The following FGD4 variants were observed in gnomAD, a reference collection of about 807,000 sequenced individuals.
FGD4 encodes the protein FYVE, RhoGEF and PH domain containing 4.
FGD4 carries 42 observed loss-of-function variants against 102.0 expected under a neutral mutation model. The observed-to-expected ratio is 0.41, with a 90% confidence interval of 0.32 to 0.53. The LOEUF is 0.53. FGD4 is among the 20% of genes least tolerant of loss of function. The pLI is 0.21. For synonymous variants in FGD4, 380 were observed against 375.7 expected, an observed-to-expected ratio of 1.01 and a Z score of -0.13; for missense variants, 902 against 1,078.2, an observed-to-expected ratio of 0.84 and a Z score of 2.29.
intron 1 of FGD4, among the ~76,000 whole-genome samples, chr12:32,535,639 TA>T (rs11335178): frequency 0.8 from 118,269 of 148,684 alleles, 47,255 homozygotes; most frequent in Middle Eastern, 0.9. Context: ...AATATGAAAT[TA>T]AAAAAAAAAA....
intron 10 of FGD4, among the ~76,000 whole-genome samples, chr12:32,612,377 T>C (rs977121210): frequency 1.1e-4 from 17 of 152,128 alleles, no homozygotes; most frequent in African/African-American, 4.1e-4. Flanking sequence ...TCTGGGCTGG[T>C]AGCACAAACC....
chr12:32,461,998 T>C (rs1943117438), intron 1 of FGD4, among the ~76,000 whole-genome samples: 1 of 152,194 alleles, frequency 6.6e-6, no homozygotes. Flanking sequence ...GTGCCAGGAT[T>C]ACAGGCATGA....
At chr12:32,639,073 A>G (rs1428151468) in intron 16 of FGD4, 1 of 674,918 alleles carries the variant, frequency 1.5e-6, no homozygotes, top group Non-Finnish European at 2.2e-6. Flanking sequence ...CATGAGGAGA[A>G]GGGGAAGCAA....
chr12:32,562,360 T>C (rs1029484432), intron 1 of FGD4, among the ~76,000 whole-genome samples: 1 of 152,244 alleles, frequency 6.6e-6, no homozygotes, highest in Non-Finnish European at 1.5e-5. Context: ...TTTCTATGCT[T>C]AGTCTTGTAA....
chr12:32,453,233 ATATATT>A lies in FGD4; in HGVS notation c.166+53276_166+53281del, dbSNP rs1565749221. Reference sequence around the variant, plus strand: ...ATATATATATATAATATAGATATATATATATTTTTTTTTTTTTAAATGTAGAGCCTC... The same window carrying A: ...ATATATATATATAATATAGATATATATTTTTTTTTTTAAATGTAGAGCCTC... On this transcript the variant is annotated intron_variant, in intron 1 of 16. Transcript: ENST00000534526. Among the ~76,000 whole-genome samples, 151 of 62,030 alleles carry A rather than the reference ATATATT, an allele frequency of 2.4e-3. 2 individuals are homozygous for A. Among genetic ancestry groups the A allele is most frequent in the East Asian group, 0.017 (36 of 2,082 alleles). 40.7% of individuals were successfully genotyped at this position (62,030 alleles called of 152,430 possible).
At chr12:32,418,400 G>C (rs1445474914) in intron 1 of FGD4, among the ~76,000 whole-genome samples, 5 of 152,012 alleles carry the variant, frequency 3.3e-5, no homozygotes, top group Non-Finnish European at 7.4e-5. Flanking sequence ...TCTTGGAAAG[G>C]CTTTTCAGGT....
chr12:32,538,802 C>T (rs1942536112), intron 1 of FGD4, among the ~76,000 whole-genome samples: 1 of 152,140 alleles, frequency 6.6e-6, no homozygotes, highest in African/African-American at 2.4e-5. Context: ...ACCTGTAATC[C>T]CAGCACTTTG....
In FGD4 at chr12:32,582,533, T is replaced by C. The variant is rs1233520508; in HGVS notation, c.1011+66T>C. ...CTATTCGATTGTTGTCTTAAAACTC[T>C]TTATTTATTGCACCCCTGAAATGTA... On this transcript the variant is annotated intron_variant, in intron 4 of 16. Transcript: ENST00000534526. 7 of 1,587,132 alleles carry C rather than the reference T, an allele frequency of 4.4e-6. No individual in the cohort carries two copies. In the Admixed American group the frequency reaches 1.2e-4, roughly 27 times the overall value.
chr12:32,550,920 T>C (rs1188571000), intron 1 of FGD4, among the ~76,000 whole-genome samples: 3 of 152,174 alleles, frequency 2.0e-5, no homozygotes, highest in Non-Finnish European at 4.4e-5. Context: ...CTGCAGTAAA[T>C]TCAGCTGCGT....
chr12:32,429,798 T>A (rs1183981159), intron 1 of FGD4, among the ~76,000 whole-genome samples: 1 of 152,150 alleles, frequency 6.6e-6, no homozygotes, highest in Non-Finnish European at 1.5e-5. Flanking sequence ...TAATTATAAT[T>A]AGCTATAATT....
At chr12:32,514,104 GGT>G (rs1939653313) in intron 1 of FGD4, among the ~76,000 whole-genome samples, 1 of 152,144 alleles carries the variant, frequency 6.6e-6, no homozygotes, top group Non-Finnish European at 1.5e-5. Flanking sequence ...CCTATCAACA[GGT>G]GACTGTACCC....
chr12:32,613,914 A>T (rs547652869), intron 10 of FGD4, among the ~76,000 whole-genome samples: 1 of 152,362 alleles, frequency 6.6e-6, no homozygotes, highest in East Asian at 1.9e-4. Context: ...TTGACACTTC[A>T]TGAAAAGTTA....
chr12:32,599,490 GTC>G (rs1325605603), intron 5 of FGD4, among the ~76,000 whole-genome samples: 7 of 39,238 alleles, frequency 1.8e-4, no homozygotes, highest in Admixed American at 3.0e-4. Flanking sequence ...GCGAGACTCC[GTC>G]TCAAAAAAAA....
chr12:32,551,134 A>C (rs1345964222), intron 1 of FGD4, among the ~76,000 whole-genome samples: 1 of 152,212 alleles, frequency 6.6e-6, no homozygotes. Context: ...AGTGAAGCTA[A>C]CAGGCGGTGC....
intron 1 of FGD4, among the ~76,000 whole-genome samples, chr12:32,537,109 C>T (rs532170619): frequency 2.0e-5 from 3 of 152,012 alleles, no homozygotes; most frequent in South Asian, 2.1e-4. Context: ...AGGGTTTCAC[C>T]GTGTTAGCCA....
At chr12:32,550,692 GAA>G (rs1282401912) in intron 1 of FGD4, among the ~76,000 whole-genome samples, 2 of 113,424 alleles carry the variant, frequency 1.8e-5, no homozygotes, top group African/African-American at 6.8e-5. Flanking sequence ...AAAAAAAAAA[GAA>G]AGAGACAAAA....
chr12:32,441,349 A>C (rs1942429074), intron 1 of FGD4, among the ~76,000 whole-genome samples: 1 of 151,852 alleles, frequency 6.6e-6, no homozygotes, highest in Non-Finnish European at 1.5e-5. Flanking sequence ...AAGTCTCTTC[A>C]CTTTGCTGGT....
intron 10 of FGD4, among the ~76,000 whole-genome samples, chr12:32,612,202 G>A (rs769208133): frequency 1.3e-5 from 2 of 152,226 alleles, no homozygotes; most frequent in Admixed American, 6.5e-5. Context: ...CTTGCAGTAC[G>A]CTTGCTCCAG....
At position 32,640,313 on chromosome 12, in the gene FGD4, A is replaced by G. The variant is rs760349455; in HGVS notation, c.2492A>G (p.Tyr831Cys). 4 of 1,614,190 alleles carry G rather than the reference A, an allele frequency of 2.5e-6. No homozygotes were observed. Among genetic ancestry groups the G allele is most frequent in the South Asian group, 1.1e-5 (1 of 91,088 alleles). ...CAGGCCACCATTCCACTTCTGGGCT[A>G]TGTGGTGGATGAAATGCCAAGGAGC... is the stretch of plus-strand genomic sequence containing the variant. Reference protein sequence around the residue: ...RAQATIPLLGYVVDEMPRSAD... With the variant: ...RAQATIPLLGCVVDEMPRSAD... Residue 831 changes from tyrosine to cysteine, a missense_variant, in exon 17 of 17, where the codon TAT (tyrosine) becomes TGT (cysteine). By Grantham distance (194) the Tyr-to-Cys change is radical. Transcript: ENST00000534526.
Sources: gnomAD v4.1 joint callset for allele counts (sites outside exome capture counted in the v4.1 genomes callset) on GRCh38, gnomAD v4.1.1 for gene constraint, MANE v1.5 for transcripts, NCBI Gene and HGNC (gene_info 2026-07-23, HGNC 2026-07-21) for gene names.